Variants in FOXO1 observed in about 807,000 individuals in gnomAD.
FOXO1 encodes the protein forkhead box O1.
FOXO1 carries 6 observed loss-of-function variants against 44.1 expected under a neutral mutation model. The ratio of observed to expected loss-of-function variants is 0.14; its 90% CI spans 0.07 to 0.27. The LOEUF is 0.27. Ranked by LOEUF, FOXO1 falls within the 10% of genes least tolerant of loss-of-function variation. The pLI is 1.00. For missense variants in FOXO1, 737 were observed against 888.8 expected (o/e 0.83, Z 2.17); for synonymous variants, 380 against 362.7 (o/e 1.05, Z -0.54).
chr13:40,650,011 T>C (rs548749961), intron 1 of FOXO1, among the ~76,000 whole-genome samples: 60 of 152,292 alleles, frequency 3.9e-4, no homozygotes, highest in African/African-American at 1.3e-3. Context: ...AAAGCAAGTT[T>C]ATTAGGAAAG....
At chr13:40,563,771 A>G (rs1874145091) in intron 1 of FOXO1, among the ~76,000 whole-genome samples, 1 of 152,032 alleles carries the variant, frequency 6.6e-6, no homozygotes, top group Non-Finnish European at 1.5e-5. Flanking sequence ...ACACACACAC[A>G]TGTATGCTCA....
chr13:40,564,896 C>T (rs1421850482), intron 1 of FOXO1, among the ~76,000 whole-genome samples: 1 of 146,792 alleles, frequency 6.8e-6, no homozygotes, highest in Non-Finnish European at 1.5e-5. Context: ...CCAAGCAGTG[C>T]AGCATGTGCT....
intron 1 of FOXO1, among the ~76,000 whole-genome samples, chr13:40,647,420 C>T (rs1219291642): frequency 6.6e-6 from 1 of 152,126 alleles, no homozygotes; most frequent in Admixed American, 6.6e-5. Context: ...CCTCCCCTGC[C>T]CAGAGATGGA....
At chr13:40,570,294 G>A (rs1404802168) in intron 1 of FOXO1, among the ~76,000 whole-genome samples, 3 of 151,180 alleles carry the variant, frequency 2.0e-5, no homozygotes, top group Non-Finnish European at 4.4e-5. Flanking sequence ...CGGCAACAGA[G>A]CAAGACTCTG....
At chr13:40,569,613 T>A (rs1385531582) in intron 1 of FOXO1, among the ~76,000 whole-genome samples, 1 of 152,166 alleles carries the variant, frequency 6.6e-6, no homozygotes, top group Non-Finnish European at 1.5e-5. Flanking sequence ...ACAGAAAAAT[T>A]GTGTTTTCTC....
At chr13:40,654,702 T>G (rs1304908632) in intron 1 of FOXO1, among the ~76,000 whole-genome samples, 1 of 152,110 alleles carries the variant, frequency 6.6e-6, no homozygotes, top group Non-Finnish European at 1.5e-5. Context: ...ACAGTGGGGC[T>G]TACTGGAGAT....
At chr13:40,615,725 G>C (rs1243240971) in intron 1 of FOXO1, among the ~76,000 whole-genome samples, 1 of 152,194 alleles carries the variant, frequency 6.6e-6, no homozygotes, top group Non-Finnish European at 1.5e-5. Flanking sequence ...CTGGGGAAGA[G>C]TGTTCCAAAG....
intron 1 of FOXO1, among the ~76,000 whole-genome samples, chr13:40,664,969 C>T (rs958967196): frequency 6.6e-6 from 1 of 151,946 alleles, no homozygotes; most frequent in African/African-American, 2.4e-5. Flanking sequence ...CGCCGGGCCC[C>T]CGGCACTCGA....
chr13:40,607,352 C>A (rs1876043128), intron 1 of FOXO1, among the ~76,000 whole-genome samples: 1 of 152,226 alleles, frequency 6.6e-6, no homozygotes, highest in Non-Finnish European at 1.5e-5. Context: ...TCCTCTGAAG[C>A]AGAAAGCTGT....
chr13:40,616,025 G>C (rs1876411080), intron 1 of FOXO1, among the ~76,000 whole-genome samples: 2 of 152,212 alleles, frequency 1.3e-5, no homozygotes, highest in African/African-American at 4.8e-5. Flanking sequence ...AACCTGCAGA[G>C]AAACTACAGG....
At chr13:40,620,500 C>A in intron 1 of FOXO1, 2 of 524,852 alleles carry the variant, frequency 3.8e-6, no homozygotes, top group African/African-American at 2.0e-5. Flanking sequence ...TCTGGAGAAT[C>A]TAGTACTCTA....
chr13:40,584,558 G>C (rs894688867), intron 1 of FOXO1, among the ~76,000 whole-genome samples: 2 of 149,886 alleles, frequency 1.3e-5, no homozygotes, highest in Non-Finnish European at 3.0e-5. Flanking sequence ...TGAGGTAGGA[G>C]GATCACCTGA....
chr13:40,595,724 T>C (rs1214632037), intron 1 of FOXO1, among the ~76,000 whole-genome samples: 2 of 152,122 alleles, frequency 1.3e-5, no homozygotes, highest in African/African-American at 4.8e-5. Flanking sequence ...CCTTGAACGG[T>C]TAACAAAATG....
chr13:40,611,331 CAAAT>C (rs1378957178), intron 1 of FOXO1, among the ~76,000 whole-genome samples: 3 of 152,108 alleles, frequency 2.0e-5, no homozygotes, highest in African/African-American at 7.2e-5. Context: ...AACAAACAAA[CAAAT>C]AAACAAACTT....
chr13:40,594,210 T>G (rs979259533), intron 1 of FOXO1, among the ~76,000 whole-genome samples: 2 of 152,078 alleles, frequency 1.3e-5, no homozygotes, highest in African/African-American at 4.8e-5. Flanking sequence ...AGTTAATGGA[T>G]AGTGAACAAA....
chr13:40,583,725 AC>A (rs1875042180), intron 1 of FOXO1, among the ~76,000 whole-genome samples: 1 of 152,186 alleles, frequency 6.6e-6, no homozygotes, highest in Non-Finnish European at 1.5e-5. Flanking sequence ...GAATGTTGTG[AC>A]TGTTTTGATC....
At chr13:40,569,540 G>A (rs557054721) in intron 1 of FOXO1, among the ~76,000 whole-genome samples, 3 of 152,308 alleles carry the variant, frequency 2.0e-5, no homozygotes, top group Admixed American at 6.5e-5. Context: ...CCTGTTTAAA[G>A]GCAGCCAGCC....
At chr13:40,562,436 G>A (rs1037315934) in intron 1 of FOXO1, among the ~76,000 whole-genome samples, 27 of 152,212 alleles carry the variant, frequency 1.8e-4, no homozygotes, top group Admixed American at 1.7e-3. Flanking sequence ...TTGGGAAGCT[G>A]CCTAGCCCCT....
rs1320977225 is a variant in FOXO1, at chr13:40,558,918, T to G, written c.*131A>C. ...CTGACGAAAGGAAAAAAGGAGGGTTTTTTTTTTTGTTTTTTTTTTTAACCA... is the reference window on the plus strand; with the variant it reads ...CTGACGAAAGGAAAAAAGGAGGGTTGTTTTTTTTGTTTTTTTTTTTAACCA... On this transcript the variant is annotated 3_prime_UTR_variant, in exon 3 of 3. Transcript: ENST00000379561. 16 of 363,396 alleles carry G rather than the reference T, an allele frequency of 4.4e-5. No individual in the cohort carries two copies. The highest frequency in any genetic ancestry group is 6.4e-4 in the Middle Eastern group (1 of 1,556). 22.5% of individuals were successfully genotyped at this position (363,396 alleles called of 1,614,324 possible).
Sources: gnomAD v4.1 joint callset for allele counts (sites outside exome capture counted in the v4.1 genomes callset) on GRCh38, gnomAD v4.1.1 for gene constraint, MANE v1.5 for transcripts, NCBI Gene and HGNC (gene_info 2026-07-23, HGNC 2026-07-21) for gene names.